Variants in GLIS3 observed in about 807,000 individuals in gnomAD.
GLIS3 encodes the protein zinc finger protein GLIS3.
Under a neutral mutation model 78.6 loss-of-function variants are expected in GLIS3, and 53 were observed. That is an observed-to-expected ratio of 0.67 (90% confidence interval 0.54 to 0.85). The LOEUF is 0.85. Among genes scored for constraint, GLIS3 ranks in the 40% least tolerant of loss-of-function variants. The pLI, the probability that GLIS3 is intolerant of heterozygous loss-of-function variation, is 0.00. For missense variants in GLIS3, 1,703 were observed against 1,231.1 expected, an observed-to-expected ratio of 1.38 and a Z score of -5.74; for synonymous variants, 684 against 509.9, an observed-to-expected ratio of 1.34 and a Z score of -4.60.
At chr9:4,066,958 C>G (rs868239167) in intron 4 of GLIS3, among the ~76,000 whole-genome samples, 1 of 152,168 alleles carries the variant, frequency 6.6e-6, no homozygotes. Context: ...ACAGCTCTGG[C>G]CCACCAGCAA....
chr9:3,998,182 A>G (rs1025805747), intron 4 of GLIS3, among the ~76,000 whole-genome samples: 8 of 152,152 alleles, frequency 5.3e-5, no homozygotes, highest in African/African-American at 1.9e-4. Context: ...GACTCATCTT[A>G]GTCTTTCCCT....
intron 2 of GLIS3, among the ~76,000 whole-genome samples, chr9:4,330,119 G>A (rs903902839): frequency 2.0e-5 from 3 of 152,162 alleles, no homozygotes; most frequent in African/African-American, 7.2e-5. Flanking sequence ...GAAATTCAGT[G>A]TAGACTCCCA....
intron 2 of GLIS3, among the ~76,000 whole-genome samples, chr9:4,327,671 A>G (rs1324273024): frequency 6.6e-6 from 1 of 152,232 alleles, no homozygotes; most frequent in Non-Finnish European, 1.5e-5. Flanking sequence ...GTGCCACCAC[A>G]TCACACAACT....
intron 4 of GLIS3, among the ~76,000 whole-genome samples, chr9:4,037,413 A>C (rs183735615): frequency 2.6e-5 from 4 of 152,300 alleles, no homozygotes; most frequent in African/African-American, 9.6e-5. Context: ...AGATTAAATT[A>C]GCTACATTTT....
intron 2 of GLIS3, among the ~76,000 whole-genome samples, chr9:4,236,415 T>G (rs997980056): frequency 6.6e-6 from 1 of 152,204 alleles, no homozygotes; most frequent in Non-Finnish European, 1.5e-5. Context: ...TCCCACTTTT[T>G]AAAAGTATTT....
At chr9:4,240,418 C>G (rs1183536170) in intron 2 of GLIS3, among the ~76,000 whole-genome samples, 2 of 152,108 alleles carry the variant, frequency 1.3e-5, no homozygotes, top group African/African-American at 4.8e-5. Flanking sequence ...GGACCCAGTT[C>G]CTAACAGGCT....
At chr9:3,946,094 A>C (rs1011348876) in intron 4 of GLIS3, among the ~76,000 whole-genome samples, 5 of 152,204 alleles carry the variant, frequency 3.3e-5, no homozygotes, top group African/African-American at 9.7e-5. Context: ...CTCCTCTTGG[A>C]AGCCTTCCTT....
chr9:3,831,389 C>T (rs1397693462), intron 9 of GLIS3, among the ~76,000 whole-genome samples: 1 of 152,130 alleles, frequency 6.6e-6, no homozygotes, highest in East Asian at 1.9e-4. Context: ...CTCTCAAGCC[C>T]ACAAAGAAAT....
chr9:4,089,367 G>A lies in GLIS3; in HGVS notation c.1710+28401C>T, dbSNP rs191804638. On this transcript the variant is annotated intron_variant, in intron 4 of 10. Coordinates refer to ENST00000381971, the MANE Select transcript of GLIS3 (RefSeq NM_001042413.2). ...TAACATTTTTTTTTCCTTTACAAAC[G>A]TTTTAAGAGAAAATGTATATGTGTG... 2.0e-4 allele frequency among the ~76,000 whole-genome samples: 31 copies of A among 151,794 alleles called. No homozygotes were observed. The East Asian group carries it at 4.1e-3, about 20-fold the overall frequency.
intron 2 of GLIS3, among the ~76,000 whole-genome samples, chr9:4,147,875 G>C (rs965065967): frequency 6.6e-6 from 1 of 151,762 alleles, no homozygotes; most frequent in Non-Finnish European, 1.5e-5. Flanking sequence ...TCTGAAAATA[G>C]CTAACTCTGC....
intron 2 of GLIS3, among the ~76,000 whole-genome samples, chr9:4,155,680 A>G (rs1490501690): frequency 6.6e-6 from 1 of 152,164 alleles, no homozygotes; most frequent in African/African-American, 2.4e-5. Context: ...TGGAGAACCC[A>G]TAAGTCGAGC....
chr9:4,028,494 T>C (rs1488737715), intron 4 of GLIS3, among the ~76,000 whole-genome samples: 1 of 152,172 alleles, frequency 6.6e-6, no homozygotes, highest in Non-Finnish European at 1.5e-5. Context: ...TTCAGTAAAA[T>C]GGTTATTGAG....
chr9:4,275,582 A>T (rs1239499871), intron 2 of GLIS3, among the ~76,000 whole-genome samples: 1 of 150,034 alleles, frequency 6.7e-6, no homozygotes, highest in Non-Finnish European at 1.5e-5. Context: ...CAACACAACA[A>T]GATCCCATCT....
At chr9:4,025,145 G>A (rs151217906) in intron 4 of GLIS3, among the ~76,000 whole-genome samples, 20 of 152,104 alleles carry the variant, frequency 1.3e-4, no homozygotes, top group African/African-American at 2.6e-4. Context: ...CTCGCTACTC[G>A]GGAGGCTGAG....
chr9:4,295,832 A>T (rs752053138), intron 1 of GLIS3, among the ~76,000 whole-genome samples: 1 of 152,228 alleles, frequency 6.6e-6, no homozygotes, highest in East Asian at 1.9e-4. Context: ...GAAACTACAA[A>T]AACTGGGGAC....
At chr9:4,435,223 C>A in the GLIS3 span, among the ~76,000 whole-genome samples, 1 of 152,174 alleles carries the variant, frequency 6.6e-6, no homozygotes, top group African/African-American at 2.4e-5. Flanking sequence ...TGCTTTTTCC[C>A]TTCTCCTTTT....
intron 4 of GLIS3, among the ~76,000 whole-genome samples, chr9:4,023,848 C>T (rs958373694): frequency 6.6e-6 from 1 of 152,130 alleles, no homozygotes; most frequent in South Asian, 2.1e-4. Flanking sequence ...TAGGTAAGTA[C>T]AGAAACTGAG....
intron 4 of GLIS3, among the ~76,000 whole-genome samples, chr9:4,077,940 A>G (rs1378024146): frequency 1.3e-5 from 2 of 152,102 alleles, no homozygotes; most frequent in African/African-American, 4.8e-5. Flanking sequence ...CTCAAGAGGG[A>G]ATAGCTATTT....
chr9:4,190,940 A>G (rs7861351), intron 2 of GLIS3, among the ~76,000 whole-genome samples: 16,096 of 152,172 alleles, frequency 0.11, 949 homozygotes, highest in Middle Eastern at 0.17. Context: ...ACTAAGCTTC[A>G]TAAGTGAAGG....
Sources: gnomAD v4.1 joint callset for allele counts (sites outside exome capture counted in the v4.1 genomes callset) on GRCh38, gnomAD v4.1.1 for gene constraint, MANE v1.5 for transcripts, NCBI Gene and HGNC (gene_info 2026-07-23, HGNC 2026-07-21) for gene names.